The following STEAP3 variants were observed in gnomAD, a reference collection of about 807,000 sequenced individuals.
STEAP3 encodes STEAP3 metalloreductase.
Under a neutral mutation model 34.9 loss-of-function variants are expected in STEAP3, and 35 were observed. The ratio of observed to expected loss-of-function variants is 1.00; its 90% CI spans 0.76 to 1.33. STEAP3 has a LOEUF of 1.33. STEAP3 is among the 40% of genes most tolerant of loss of function. STEAP3 has a pLI of 0.00. For missense variants in STEAP3, 652 were observed against 667.6 expected (o/e 0.98, Z 0.26); for synonymous variants, 281 against 301.6 (o/e 0.93, Z 0.71).
intron 2 of STEAP3, among the ~76,000 whole-genome samples, chr2:119,239,053 T>C (rs1461612977): frequency 6.6e-6 from 1 of 152,126 alleles, no homozygotes; most frequent in East Asian, 1.9e-4. Flanking sequence ...CACAGCGCAA[T>C]GCCCCAGGTG....
intron 2 of STEAP3, among the ~76,000 whole-genome samples, chr2:119,241,320 C>A (rs539296165): frequency 1.3e-5 from 2 of 152,266 alleles, no homozygotes; most frequent in Non-Finnish European, 2.9e-5. Flanking sequence ...ACAGCCCGTG[C>A]CTTTAACCAC....
rs1309228816 is a variant in STEAP3 at position 119,247,981 on chromosome 2, G to A, written c.825G>A (p.Val275=). 6.2e-7 allele frequency: 1 copy of A among 1,612,742 alleles called. No individual in the cohort carries two copies. The highest frequency in any genetic ancestry group is 8.5e-7 in the Non-Finnish European group (1 of 1,179,974). ...VNTTLPCVAY[V]LLSLVYLPGV... ...CCACACTGCCGTGCGTGGCCTACGT[G>A]CTGCTGTCACTCGTGTACTTGCCCG... The change falls in exon 4 of 6, where the codon GTG becomes GTA. Residue 275 remains valine (V), a synonymous_variant. Coordinates refer to ENST00000393110, the MANE Select transcript of STEAP3 (RefSeq NM_182915.3).
intron 2 of STEAP3, among the ~76,000 whole-genome samples, chr2:119,240,864 C>T (rs1240192515): frequency 2.0e-5 from 3 of 152,134 alleles, no homozygotes; most frequent in African/African-American, 7.2e-5. Flanking sequence ...GTTAGTCACA[C>T]CCTCACCTCA....
intron 2 of STEAP3, among the ~76,000 whole-genome samples, chr2:119,234,072 G>A (rs1677019398): frequency 1.3e-5 from 2 of 152,214 alleles, no homozygotes; most frequent in African/African-American, 4.8e-5. Context: ...ACCAGGATAA[G>A]GCATGCATCC....
At position 119,254,857 on chromosome 2, in the gene STEAP3, GTC is replaced by G. The variant is rs1457787508; in HGVS notation, c.1215+13_1215+14del. 1 of 1,612,602 alleles carries G rather than the reference GTC, an allele frequency of 6.2e-7. No homozygotes were observed. Among genetic ancestry groups the G allele is most frequent in the East Asian group, 2.2e-5 (1 of 44,838 alleles). Reference sequence around the variant, plus strand: ...AGTTCAGCTTCGTTCAGGTAAAGTAGTCTCTAGTCTGCCAGCCAGCTTCAGCG... The same window carrying G: ...AGTTCAGCTTCGTTCAGGTAAAGTAGTCTAGTCTGCCAGCCAGCTTCAGCG... On this transcript the variant is annotated intron_variant, in intron 5 of 5. Transcript: ENST00000393110.
chr2:119,263,365 G>A lies in STEAP3; in HGVS notation c.*27G>A, dbSNP rs147303947. On this transcript the variant is annotated 3_prime_UTR_variant, in exon 6 of 6. Transcript: ENST00000393110. ...GTGCCTGCCCTGGGCTCTGGACCCCGGGCACACGAGGGACGGTGCCCTGAG... is the reference window on the plus strand; with the variant it reads ...GTGCCTGCCCTGGGCTCTGGACCCCAGGCACACGAGGGACGGTGCCCTGAG... The A allele has an allele frequency of 9.4e-4, 1,507 of 1,602,552 alleles. 6 individuals carry two copies. Among genetic ancestry groups the A allele is most frequent in the Admixed American group, 5.8e-3 (334 of 57,554 alleles).
chr2:119,248,268 C>G, intron 4 of STEAP3, 62 bp downstream of exon 4: 1 of 1,494,766 alleles, frequency 6.7e-7, no homozygotes, highest in Non-Finnish European at 8.9e-7. Context: ...AGCACCTCCC[C>G]CCCCCACCAA....
intron 3 of STEAP3, among the ~76,000 whole-genome samples, chr2:119,247,402 C>T (rs774020948): frequency 1.1e-4 from 16 of 152,210 alleles, no homozygotes; most frequent in Non-Finnish European, 2.2e-4. Context: ...TGCTGATGTC[C>T]ACGAGCTGGG....
chr2:119,247,856 G>A lies in STEAP3; in HGVS notation c.700G>A (p.Val234Ile), dbSNP rs139584756. Residue 234 changes from valine (V) to isoleucine (I), a missense_variant, in exon 4 of 6, where the codon GTC (valine) becomes ATC (isoleucine). Physicochemically the swap from Val to Ile is conservative, Grantham distance 29. Coordinates refer to ENST00000393110, the MANE Select transcript of STEAP3 (RefSeq NM_182915.3). ...CACCCTGCTGGCCCTGGGGCTCTTC[G>A]TCTGCTTCTATGCCTACAACTTCGT... is the stretch of plus-strand genomic sequence containing the variant. ...VPTLLALGLF[V>I]CFYAYNFVRD... 71 of 1,613,674 alleles carry A rather than the reference G, an allele frequency of 4.4e-5. No individual in the cohort carries two copies. Among genetic ancestry groups the A allele is most frequent in the African/African-American group, 6.7e-5 (5 of 75,038 alleles).
intron 4 of STEAP3, among the ~76,000 whole-genome samples, chr2:119,250,578 G>A (rs1677594069): frequency 6.6e-6 from 1 of 152,170 alleles, no homozygotes; most frequent in South Asian, 2.1e-4. Flanking sequence ...CTGCATGGAG[G>A]AGCCCACTCC....
intron 4 of STEAP3, among the ~76,000 whole-genome samples, chr2:119,252,774 C>A (rs532689680): frequency 6.6e-6 from 1 of 152,266 alleles, no homozygotes; most frequent in South Asian, 2.1e-4. Flanking sequence ...TGTCCTCATG[C>A]GGGTCTTTGC....
Position 119,265,553 on chromosome 2 carries a change from G to A in STEAP3, c.*2215G>A, listed in dbSNP as rs575038479. 2 of 152,002 alleles carry A rather than the reference G, an allele frequency of 1.3e-5. No individual in the cohort carries two copies. The highest frequency in any genetic ancestry group is 4.8e-5 in the African/African-American group (2 of 41,502). 9.4% of individuals were successfully genotyped at this position (152,002 alleles called of 1,614,324 possible). ...ATCCCAAATGCCACAGTCTGAGGTT[G>A]ATATCTAAAATCTATGCCTTCAAAA... On this transcript the variant is annotated 3_prime_UTR_variant, in exon 6 of 6. Transcript: ENST00000393110.
intron 5 of STEAP3, chr2:119,257,542 C>T (rs1558757975): frequency 5.2e-6 from 8 of 1,543,750 alleles, no homozygotes; most frequent in Middle Eastern, 3.3e-4. Context: ...TTACCTGCCC[C>T]GCATCATCAG....
Position 119,252,327 on chromosome 2 carries a change from G to A in STEAP3, c.1051-2357G>A, listed in dbSNP as rs775539280. Among the ~76,000 whole-genome samples the A allele has an allele frequency of 3.9e-4, 59 of 152,338 alleles. 1 individual carries two copies. Among genetic ancestry groups the A allele is most frequent in the Admixed American group, 1.1e-3 (17 of 15,302 alleles). On this transcript the variant is annotated intron_variant, in intron 4 of 5. Coordinates refer to ENST00000393110, the MANE Select transcript of STEAP3 (RefSeq NM_182915.3). ...ACTGCCCACCAGTGGCAGAGTCAGC[G>A]TCAGAATCCAGGCCTATGGTCTCTA...
intron 2 of STEAP3, chr2:119,244,430 G>A (rs985705076): frequency 5.3e-5 from 8 of 151,394 alleles, no homozygotes; most frequent in Admixed American, 3.9e-4. Flanking sequence ...TTAGAGATGG[G>A]ACCTCCCTGT....
chr2:119,239,617 A>G (rs1019631441), intron 2 of STEAP3, among the ~76,000 whole-genome samples: 2 of 152,152 alleles, frequency 1.3e-5, no homozygotes, highest in East Asian at 1.9e-4. Context: ...CGTTTGCTCA[A>G]TGCAGGCCCC....
intron 4 of STEAP3, among the ~76,000 whole-genome samples, chr2:119,252,698 A>C (rs1011353253): frequency 6.6e-6 from 1 of 152,194 alleles, no homozygotes; most frequent in South Asian, 2.1e-4. Flanking sequence ...GGGAGCTCTG[A>C]GCACAACACT....
intron 3 of STEAP3, 122 bp from the exon 4 acceptor site, chr2:119,247,557 C>A: frequency 8.6e-7 from 1 of 1,163,904 alleles, no homozygotes; most frequent in Non-Finnish European, 1.2e-6. Context: ...GTACCATTGA[C>A]TGGCAGCTCA....
rs530851485 is a variant in STEAP3 at position 119,245,676 on chromosome 2, C to T, written c.210C>T (p.Asn70=). The change falls in exon 3 of 6, where the codon AAC becomes AAT. Residue 70 remains asparagine, a synonymous_variant. Transcript: ENST00000393110. ...SGFKVVVGSR[N]PKRTARLFPS... ...TCAAAGTGGTGGTGGGGAGCCGCAA[C>T]CCCAAACGCACAGCCAGGCTGTTTC... The T allele has an allele frequency of 1.2e-5, 19 of 1,613,364 alleles. No homozygotes were observed. In the East Asian group the frequency reaches 4.0e-4, roughly 34 times the overall value.
Sources: allele counts gnomAD v4.1 joint callset (sites outside exome capture counted in the v4.1 genomes callset), GRCh38; gene constraint gnomAD v4.1.1; transcripts MANE v1.5; gene names NCBI Gene and HGNC (gene_info 2026-07-23, HGNC 2026-07-21).